CNTNAP5: variants seen among roughly 807,000 people sequenced by gnomAD.
CNTNAP5 encodes the protein contactin-associated protein-like 5.
A neutral mutation model predicts 150.2 loss-of-function variants in CNTNAP5; 72 were observed. The observed-to-expected ratio is 0.48, with a 90% confidence interval of 0.40 to 0.58. The LOEUF (loss-of-function observed/expected upper bound fraction) is 0.58. Ranked by LOEUF, CNTNAP5 falls within the 20% of genes least tolerant of loss-of-function variation. CNTNAP5 has a pLI of 0.00. For missense variants in CNTNAP5, 1,636 were observed against 1,626.2 expected (o/e 1.01, Z -0.10); for synonymous variants, 672 against 619.8 (o/e 1.08, Z -1.25).
At chr2:124,042,255 C>T (rs1009254816) in intron 1 of CNTNAP5, among the ~76,000 whole-genome samples, 10 of 152,084 alleles carry the variant, frequency 6.6e-5, no homozygotes, top group Non-Finnish European at 1.5e-4. Flanking sequence ...ATACTTTCAT[C>T]CTGGTTCTGC....
At chr2:124,433,480 G>A (rs1310117911) in intron 4 of CNTNAP5, among the ~76,000 whole-genome samples, 1 of 152,034 alleles carries the variant, frequency 6.6e-6, no homozygotes, top group Non-Finnish European at 1.5e-5. Flanking sequence ...CATTGTGTAT[G>A]CTCAGGCTGA....
At chr2:124,861,245 A>C (rs1279798430) in intron 19 of CNTNAP5, among the ~76,000 whole-genome samples, 1 of 151,938 alleles carries the variant, frequency 6.6e-6, no homozygotes, top group Non-Finnish European at 1.5e-5. Flanking sequence ...TTTTAGAAAA[A>C]CAGCATTTAT....
intron 3 of CNTNAP5, among the ~76,000 whole-genome samples, chr2:124,261,892 A>G (rs1485400430): frequency 6.6e-6 from 1 of 152,184 alleles, no homozygotes; most frequent in African/African-American, 2.4e-5. Context: ...AGATTAAACA[A>G]GCACAATTTT....
At position 124,764,057 on chromosome 2, in the gene CNTNAP5, G is replaced by C. The variant is rs907362293; in HGVS notation, c.2443G>C (p.Asp815His). 9 of 1,612,958 alleles carry C rather than the reference G, an allele frequency of 5.6e-6. No individual in the cohort carries two copies. The highest frequency in any genetic ancestry group is 7.6e-6 in the Non-Finnish European group (9 of 1,179,294). ...FPTFHAEFSA[D>H]ISFFFKTTAL... ...TACCTTCCATGCGGAATTCAGTGCC[G>C]ATATTTCCTTCTTTTTTAAAACCAC... The change falls in exon 16 of 24, where the codon GAT (aspartate) becomes CAT (histidine). Residue 815 changes from aspartate to histidine, a missense_variant. Coordinates refer to ENST00000682447, the MANE Select transcript of CNTNAP5 (RefSeq NM_001367498.1).
chr2:124,419,955 TCC>T lies in CNTNAP5; in HGVS notation c.529+2366_529+2367del, dbSNP rs1553466611. 8.7e-4 allele frequency among the ~76,000 whole-genome samples: 100 copies of T among 115,068 alleles called. 2 individuals carry two copies. Among genetic ancestry groups the T allele is most frequent in the South Asian group, 9.8e-4 (3 of 3,068 alleles). 75.5% of individuals were successfully genotyped at this position (115,068 alleles called of 152,430 possible). ...TTCTTTCTTTCTTTCTTTCTTTCTT[TCC>T]TTTTCTCTCTCTCTCTTTCTTTCTT... On this transcript the variant is annotated intron_variant, in intron 4 of 23. Transcript: ENST00000682447.
intron 10 of CNTNAP5, among the ~76,000 whole-genome samples, chr2:124,540,364 A>G (rs1214139854): frequency 1.3e-5 from 2 of 152,194 alleles, no homozygotes; most frequent in Non-Finnish European, 2.9e-5. Context: ...CATTTGTATC[A>G]ACATTAGCAT....
chr2:124,313,160 C>T (rs1688878290), intron 3 of CNTNAP5, among the ~76,000 whole-genome samples: 1 of 152,214 alleles, frequency 6.6e-6, no homozygotes, highest in Non-Finnish European at 1.5e-5. Context: ...ATGTAACAGT[C>T]ACTCAGGCTT....
At chr2:124,899,794 A>C (rs1678378927) in intron 21 of CNTNAP5, among the ~76,000 whole-genome samples, 1 of 151,396 alleles carries the variant, frequency 6.6e-6, no homozygotes, top group Non-Finnish European at 1.5e-5. Flanking sequence ...CTCCACATGA[A>C]TCTAATGTAA....
intron 10 of CNTNAP5, among the ~76,000 whole-genome samples, chr2:124,550,226 G>A (rs1292296143): frequency 2.0e-5 from 3 of 152,032 alleles, no homozygotes; most frequent in African/African-American, 7.2e-5. Context: ...AACAAGGAAA[G>A]GAAAGGGAAA....
chr2:124,516,310 T>TGAGAGAGTCAACAAAAGTTGACAGC (rs1694716068), intron 8 of CNTNAP5, among the ~76,000 whole-genome samples: 2 of 152,154 alleles, frequency 1.3e-5, no homozygotes, highest in Admixed American at 6.5e-5. Context: ...AAGTTGACTG[T>TGAGAGAGTCAACAAAAGTTGACAGC]GAGACAGTCA....
At chr2:124,751,178 T>G (rs894463961) in intron 14 of CNTNAP5, among the ~76,000 whole-genome samples, 2 of 151,344 alleles carry the variant, frequency 1.3e-5, no homozygotes. Flanking sequence ...CAGAAGCAGC[T>G]AGTTAAATAA....
At chr2:124,280,735 AT>A (rs1226369877) in intron 3 of CNTNAP5, among the ~76,000 whole-genome samples, 1 of 152,042 alleles carries the variant, frequency 6.6e-6, no homozygotes, top group East Asian at 1.9e-4. Context: ...CACTTCTCTT[AT>A]CCCATCTTGT....
At chr2:124,508,807 C>A (rs749302266) in intron 8 of CNTNAP5, among the ~76,000 whole-genome samples, 8 of 152,154 alleles carry the variant, frequency 5.3e-5, no homozygotes, top group Admixed American at 3.9e-4. Flanking sequence ...TTTGTGTATT[C>A]TTCGATTTTC....
intron 3 of CNTNAP5, among the ~76,000 whole-genome samples, chr2:124,408,296 G>C (rs1313750940): frequency 2.6e-5 from 4 of 152,030 alleles, no homozygotes; most frequent in Non-Finnish European, 5.9e-5. Flanking sequence ...AGGCCGCAGC[G>C]AGGCTGGGGG....
chr2:124,526,756 G>A (rs1300662712), intron 9 of CNTNAP5, among the ~76,000 whole-genome samples: 2 of 152,068 alleles, frequency 1.3e-5, no homozygotes, highest in African/African-American at 4.8e-5. Flanking sequence ...TGCACATCAC[G>A]TCAAAATTCC....
chr2:124,757,228 T>C (rs1219913182), intron 14 of CNTNAP5, among the ~76,000 whole-genome samples: 1 of 152,184 alleles, frequency 6.6e-6, no homozygotes. Context: ...AGAAATCCTG[T>C]CAAGGTGATC....
intron 1 of CNTNAP5, among the ~76,000 whole-genome samples, chr2:124,132,659 A>G (rs1683880480): frequency 6.6e-6 from 1 of 152,220 alleles, no homozygotes; most frequent in Non-Finnish European, 1.5e-5. Context: ...ATATAACAAT[A>G]TTATCAATAG....
chr2:124,622,866 A>G (rs77062627), intron 12 of CNTNAP5, among the ~76,000 whole-genome samples: 1 of 152,150 alleles, frequency 6.6e-6, no homozygotes, highest in African/African-American at 2.4e-5. Context: ...GTTACCACAA[A>G]GTTGTCATTT....
At chr2:124,063,046 C>G (rs978827023) in intron 1 of CNTNAP5, among the ~76,000 whole-genome samples, 1 of 151,910 alleles carries the variant, frequency 6.6e-6, no homozygotes, top group Non-Finnish European at 1.5e-5. Flanking sequence ...GTTTTTGTTT[C>G]TTTTCCTGTC....
Sources: gnomAD v4.1 joint callset for allele counts (sites outside exome capture counted in the v4.1 genomes callset) on GRCh38, gnomAD v4.1.1 for gene constraint, MANE v1.5 for transcripts, NCBI Gene and HGNC (gene_info 2026-07-23, HGNC 2026-07-21) for gene names.